The following ORC5 variants were observed in gnomAD, a reference collection of about 807,000 sequenced individuals.
ORC5 encodes the protein origin recognition complex subunit 5.
A neutral mutation model predicts 58.8 loss-of-function variants in ORC5; 39 were observed. The ratio of observed to expected loss-of-function variants is 0.66; its 90% CI spans 0.51 to 0.87. The LOEUF (loss-of-function observed/expected upper bound fraction) is 0.87, where lower values mean the gene tolerates loss of function less well. Among genes scored for constraint, ORC5 ranks in the 40% least tolerant of loss-of-function variants. The probability of loss-of-function intolerance (pLI) is 0.00; values close to 1 mark genes in which losing one functional copy is unlikely to be tolerated. For missense variants in ORC5, 493 were observed against 506.3 expected, an observed-to-expected ratio of 0.97 and a Z score of 0.25; for synonymous variants, 218 against 177.6, an observed-to-expected ratio of 1.23 and a Z score of -1.81.
At chr7:104,206,314 T>A (rs993142931) in intron 1 of ORC5, among the ~76,000 whole-genome samples, 10 of 152,198 alleles carry the variant, frequency 6.6e-5, no homozygotes, top group African/African-American at 2.4e-4. Context: ...GTTGTTTGTA[T>A]TTCCCACATG....
chr7:104,145,997 T>A (rs998577007), intron 12 of ORC5, among the ~76,000 whole-genome samples: 2 of 152,202 alleles, frequency 1.3e-5, no homozygotes, highest in African/African-American at 2.4e-5. Flanking sequence ...AACGGAAGAA[T>A]CTGTCACTAG....
At chr7:104,134,550 C>T (rs1798560036) in intron 13 of ORC5, among the ~76,000 whole-genome samples, 4 of 151,552 alleles carry the variant, frequency 2.6e-5, no homozygotes, top group Admixed American at 2.6e-4. Context: ...GGAAATAGAG[C>T]CAGATTGCAT....
intron 6 of ORC5, chr7:104,187,773 A>G: frequency 1.0e-6 from 1 of 981,952 alleles, no homozygotes; most frequent in Non-Finnish European, 1.2e-6. Flanking sequence ...GCTCAGGGTC[A>G]GTGGTTAATG....
chr7:104,174,370 A>G (rs979420732), intron 8 of ORC5, among the ~76,000 whole-genome samples: 5 of 152,084 alleles, frequency 3.3e-5, no homozygotes, highest in Admixed American at 2.6e-4. Flanking sequence ...GATTTATGGG[A>G]TTTTCTTTGT....
intron 9 of ORC5, 83 bp from the exon 10 acceptor site, chr7:104,166,967 C>T (rs778595240): frequency 1.3e-6 from 1 of 751,316 alleles, no homozygotes; most frequent in Non-Finnish European, 2.3e-6. Context: ...CTTTTCATTT[C>T]CATATGGTAT....
intron 5 of ORC5, among the ~76,000 whole-genome samples, chr7:104,190,026 T>C (rs1799638904): frequency 6.6e-6 from 1 of 152,128 alleles, no homozygotes; most frequent in Non-Finnish European, 1.5e-5. Flanking sequence ...AGGACACCCA[T>C]TTGATATCTA....
chr7:104,200,506 C>T (rs1052396520), intron 3 of ORC5, among the ~76,000 whole-genome samples: 2 of 152,204 alleles, frequency 1.3e-5, no homozygotes, highest in African/African-American at 4.8e-5. Context: ...ATTGGACACA[C>T]ACAGTCAATA....
intron 3 of ORC5, among the ~76,000 whole-genome samples, chr7:104,200,353 C>T (rs778901008): frequency 2.0e-5 from 3 of 152,186 alleles, no homozygotes; most frequent in Non-Finnish European, 4.4e-5. Flanking sequence ...TAAAACTAGA[C>T]TATTTGGTAC....
At chr7:104,153,404 T>C (rs17159520) in intron 12 of ORC5, among the ~76,000 whole-genome samples, 6,777 of 152,212 alleles carry the variant, frequency 0.045, 500 homozygotes, top group African/African-American at 0.15. Context: ...CTCTATTAAA[T>C]AGCATCCCTG....
At position 104,136,772 on chromosome 7, in the gene ORC5, A is replaced by T. The variant is rs767437477; in HGVS notation, c.1262+9T>A. 2 of 1,546,942 alleles carry T rather than the reference A, an allele frequency of 1.3e-6. No individual in the cohort carries two copies. The highest frequency in any genetic ancestry group is 3.3e-5 in the Admixed American group (2 of 59,844). ...TTAGTATATCATTACATAATTCAAG[A>T]CATTTTACCTTGCAATAGCTCTGAT... is the stretch of plus-strand genomic sequence containing the variant. On this transcript the variant is annotated intron_variant, in intron 13 of 13. Coordinates refer to ENST00000297431, the MANE Select transcript of ORC5 (RefSeq NM_002553.4). The surrounding 1 kb of genome is among the most constrained non-coding windows in gnomAD (Gnocchi z 4.2).
chr7:104,131,418 TTTAAA>T (rs1464223549), intron 13 of ORC5, among the ~76,000 whole-genome samples: 6 of 152,226 alleles, frequency 3.9e-5, no homozygotes, highest in South Asian at 2.1e-4. Flanking sequence ...AATTTTGTGC[TTTAAA>T]TTAATCTTTC....
At chr7:104,167,366 A>T (rs1799125523) in intron 9 of ORC5, among the ~76,000 whole-genome samples, 1 of 152,174 alleles carries the variant, frequency 6.6e-6, no homozygotes, top group African/African-American at 2.4e-5. Flanking sequence ...AACATCCCTA[A>T]ATTCTGAAAA....
At chr7:104,142,987 A>AT (rs1029975943) in intron 12 of ORC5, among the ~76,000 whole-genome samples, 2 of 152,128 alleles carry the variant, frequency 1.3e-5, no homozygotes. Context: ...AATTTTAATG[A>AT]ATGGGAAGAT....
chr7:104,168,838 T>C (rs2115884060), intron 8 of ORC5, among the ~76,000 whole-genome samples: 1 of 152,284 alleles, frequency 6.6e-6, no homozygotes, highest in Admixed American at 6.5e-5. Flanking sequence ...TCCCAGCACT[T>C]TGGGAGGCCA....
At chr7:104,184,089 A>G (rs1799491454) in intron 7 of ORC5, 34 bp downstream of exon 7, 2 of 1,587,748 alleles carry the variant, frequency 1.3e-6, no homozygotes, top group Admixed American at 1.7e-5. Context: ...ACCTTTCTCA[A>G]AATAAATATT....
At position 104,158,462 on chromosome 7, in the gene ORC5, C is replaced by CA. The variant is rs540501307; in HGVS notation, c.1149+2609dup. On this transcript the variant is annotated intron_variant, in intron 12 of 13. Transcript: ENST00000297431. ...CACCAAAAGCAATGGTAACAAAAGC[C>CA]AAAATTGACAAATGGGATCTAATTA... Among the ~76,000 whole-genome samples the CA allele has an allele frequency of 1.5e-3, 234 of 152,048 alleles. 2 individuals are homozygous for CA. The highest frequency in any genetic ancestry group is 0.015 in the South Asian group (70 of 4,820).
chr7:104,139,975 T>C (rs1349927168), intron 12 of ORC5, among the ~76,000 whole-genome samples: 1 of 152,032 alleles, frequency 6.6e-6, no homozygotes, highest in African/African-American at 2.4e-5. Context: ...GTAACATACA[T>C]ACAGATTTAA....
At chr7:104,159,770 A>T (rs1217046952) in intron 12 of ORC5, among the ~76,000 whole-genome samples, 2 of 152,126 alleles carry the variant, frequency 1.3e-5, no homozygotes, top group Non-Finnish European at 2.9e-5. Flanking sequence ...AAGTTGTTTA[A>T]TCTCTCTGAC....
intron 3 of ORC5, among the ~76,000 whole-genome samples, chr7:104,198,601 A>AT (rs1799856943): frequency 1.3e-5 from 2 of 152,204 alleles, no homozygotes; most frequent in Admixed American, 1.3e-4. Context: ...TCACAAAGAG[A>AT]TTATCTAAAA....
Sources: allele counts gnomAD v4.1 joint callset (sites outside exome capture counted in the v4.1 genomes callset), GRCh38; gene constraint gnomAD v4.1.1; non-coding constraint Gnocchi (gnomAD v3.1); transcripts MANE v1.5; gene names NCBI Gene and HGNC (gene_info 2026-07-23, HGNC 2026-07-21).